Variants in DIPK1C observed in about 807,000 individuals in gnomAD.
The protein encoded by DIPK1C is familial non-conventional Alzheimer's dementia.
A neutral mutation model predicts 28.0 loss-of-function variants in DIPK1C; 33 were observed. The ratio of observed to expected loss-of-function variants is 1.18; its 90% confidence interval spans 0.89 to 1.58. DIPK1C has a LOEUF of 1.58. Ranked by LOEUF, DIPK1C falls within the 40% of genes most tolerant of loss-of-function variation. DIPK1C has a pLI of 0.00. For missense variants in DIPK1C, 569 were observed against 568.5 expected (o/e 1.00, Z -0.01); for synonymous variants, 255 against 248.8 (o/e 1.02, Z -0.23).
At chr18:74,455,668 C>T (rs888084727) in intron 1 of DIPK1C, among the ~76,000 whole-genome samples, 2 of 135,904 alleles carry the variant, frequency 1.5e-5, no homozygotes, top group Non-Finnish European at 1.5e-5. Context: ...GTGGAGGTTG[C>T]GGTGAGCCGA....
At chr18:74,444,055 A>AAC (rs984015341) in intron 2 of DIPK1C, among the ~76,000 whole-genome samples, 13 of 152,096 alleles carry the variant, frequency 8.5e-5, no homozygotes, top group African/African-American at 3.1e-4. Flanking sequence ...TTAAAAAAAA[A>AAC]AACAGAAAAA....
upstream of DIPK1C, among the ~76,000 whole-genome samples, chr18:74,461,379 T>TTC (rs1986615860): frequency 8.0e-6 from 1 of 125,030 alleles, no homozygotes. Flanking sequence ...TTCCTTCCTT[T>TTC]CTTCCTTCCT....
chr18:74,456,625 G>C (rs11151953), intron 1 of DIPK1C, among the ~76,000 whole-genome samples: 72,256 of 152,098 alleles, frequency 0.48, 17,579 homozygotes, highest in Middle Eastern at 0.57. Flanking sequence ...CGCGGGCTGG[G>C]CTGGAGCGCT....
At position 74,457,196 on chromosome 18, in the gene DIPK1C, G is replaced by T; in HGVS notation, c.64C>A (p.Arg22=). ...GCGGCGAAGGCGAGGAGCGTGCCCC[G>T]CCCGCAGCGCCCGCGCCTCCTGCAC... is the stretch of plus-strand genomic sequence containing the variant. ...GWCRRRGRCG[R]GTLLAFAAWT... Residue 22 remains arginine (R), a synonymous_variant, in exon 1 of 4, where the codon CGG becomes AGG. Coordinates refer to ENST00000343998, the MANE Select transcript of DIPK1C (RefSeq NM_001044369.3). The T allele has an allele frequency of 5.8e-6, 7 of 1,204,766 alleles. No individual in the cohort carries two copies. Among genetic ancestry groups the T allele is most frequent in the East Asian group, 3.7e-5 (1 of 27,056 alleles). The allele number at this position is 1,204,766 out of a possible 1,614,324, so 74.6% of individuals were successfully genotyped here.
intron 1 of DIPK1C, among the ~76,000 whole-genome samples, chr18:74,450,651 C>A (rs1052036979): frequency 7.9e-5 from 12 of 152,194 alleles, no homozygotes; most frequent in African/African-American, 2.9e-4. Context: ...AGACACCTGC[C>A]GGCCAAGAAG....
At chr18:74,458,157 C>T (rs980013939), upstream of DIPK1C, among the ~76,000 whole-genome samples, 2 of 152,182 alleles carry the variant, frequency 1.3e-5, no homozygotes, top group South Asian at 4.1e-4. Flanking sequence ...CCCCACCCCA[C>T]CCAGGGATGC....
chr18:74,439,328 A>G (rs903915775), intron 3 of DIPK1C, among the ~76,000 whole-genome samples: 2 of 152,154 alleles, frequency 1.3e-5, no homozygotes, highest in African/African-American at 4.8e-5. Context: ...GGTGTTTGTC[A>G]TGCCTGGCCA....
intron 3 of DIPK1C, among the ~76,000 whole-genome samples, chr18:74,438,076 G>A (rs1986038500): frequency 6.6e-6 from 1 of 152,166 alleles, no homozygotes; most frequent in South Asian, 2.1e-4. Context: ...ATATTTTGTA[G>A]AGACAGGGTT....
rs543706822 is a variant in DIPK1C at position 74,454,285 on chromosome 18, G to A, written c.198+2777C>T. ...TGTCAGGGGGGTGTGGTTGGCTAGA[G>A]GGGAACCTCCCTGGGGAGGTGGAGT... On this transcript the variant is annotated intron_variant, in intron 1 of 3. Coordinates refer to ENST00000343998, the MANE Select transcript of DIPK1C (RefSeq NM_001044369.3). Among the ~76,000 whole-genome samples the A allele has an allele frequency of 7.9e-5, 12 of 152,202 alleles. No individual in the cohort carries two copies. The South Asian group carries it at 2.5e-3, about 32-fold the overall frequency.
At chr18:74,462,180 C>T (rs1986627493), upstream of DIPK1C, among the ~76,000 whole-genome samples, 1 of 152,196 alleles carries the variant, frequency 6.6e-6, no homozygotes, top group African/African-American at 2.4e-5. Context: ...GCAGCCATCA[C>T]CAACATTGTG....
At chr18:74,453,490 T>A (rs749309975) in intron 1 of DIPK1C, among the ~76,000 whole-genome samples, 2 of 152,300 alleles carry the variant, frequency 1.3e-5, no homozygotes, top group Middle Eastern at 6.8e-3. Context: ...TGTAGTCCCA[T>A]TGGGACCTTG....
chr18:74,449,525 A>G (rs1479785883), intron 1 of DIPK1C, among the ~76,000 whole-genome samples: 1 of 152,226 alleles, frequency 6.6e-6, no homozygotes, highest in Non-Finnish European at 1.5e-5. Context: ...TGAAAGGCCA[A>G]TGCCAAGCTG....
intron 1 of DIPK1C, among the ~76,000 whole-genome samples, chr18:74,453,137 C>T (rs74697467): frequency 6.6e-6 from 1 of 152,184 alleles, no homozygotes; most frequent in Admixed American, 6.5e-5. Flanking sequence ...TCTTTGCAAT[C>T]ATTGCTTAGT....
At chr18:74,460,435 T>G (rs1006514041), upstream of DIPK1C, among the ~76,000 whole-genome samples, 1 of 152,264 alleles carries the variant, frequency 6.6e-6, no homozygotes, top group East Asian at 1.9e-4. Context: ...AAAAGTGGTA[T>G]GAAAATGTTG....
intron 1 of DIPK1C, among the ~76,000 whole-genome samples, chr18:74,451,302 G>A (rs1001808978): frequency 1.3e-5 from 2 of 152,138 alleles, no homozygotes; most frequent in African/African-American, 2.4e-5. Flanking sequence ...TCGAAATGCC[G>A]TTTTGGGTGT....
intron 1 of DIPK1C, among the ~76,000 whole-genome samples, chr18:74,454,750 T>C (rs1365692152): frequency 6.6e-6 from 1 of 152,012 alleles, no homozygotes; most frequent in East Asian, 1.9e-4. Flanking sequence ...CCCAGCAGAG[T>C]TGGGATTGTG....
intron 2 of DIPK1C, among the ~76,000 whole-genome samples, chr18:74,446,012 G>A (rs892150484): frequency 3.3e-5 from 5 of 152,208 alleles, no homozygotes; most frequent in Non-Finnish European, 5.9e-5. Flanking sequence ...GGCCCCACGT[G>A]CCCCGTGGTG....
intron 3 of DIPK1C, among the ~76,000 whole-genome samples, chr18:74,440,204 A>G (rs1456847635): frequency 6.6e-6 from 1 of 152,198 alleles, no homozygotes; most frequent in Non-Finnish European, 1.5e-5. Flanking sequence ...TCGGCCTCCC[A>G]AAGTGCTAGG....
At position 74,447,984 on chromosome 18, in the gene DIPK1C, C is replaced by T. The variant is rs542454918; in HGVS notation, c.199-701G>A. 2.8e-4 allele frequency among the ~76,000 whole-genome samples: 42 copies of T among 152,114 alleles called. No homozygotes were observed. The highest frequency in any genetic ancestry group is 5.2e-4 in the Admixed American group (8 of 15,278). ...GTAGGGAGTGTTTGCATCTGAGCGG[C>T]GGTGAGCAAGGCTGTCCAGGAGCCC... On this transcript the variant is annotated intron_variant, in intron 1 of 3. Transcript: ENST00000343998. This position sits in a 1 kb window ranked among gnomAD's most constrained non-coding sequence, Gnocchi z 4.1.
Sources: gnomAD v4.1 joint callset for allele counts (sites outside exome capture counted in the v4.1 genomes callset) on GRCh38, gnomAD v4.1.1 for gene constraint, Gnocchi (gnomAD v3.1) non-coding constraint, MANE v1.5 for transcripts, NCBI Gene and HGNC (gene_info 2026-07-23, HGNC 2026-07-21) for gene names.